Variants in PXDNL observed in about 807,000 individuals in gnomAD.
PXDNL encodes the protein peroxidasin like, also known as probable oxidoreductase PXDNL.
A neutral mutation model predicts 150.8 loss-of-function variants in PXDNL; 145 were observed. That is an observed-to-expected ratio of 0.96 (90% CI 0.84 to 1.10). The LOEUF (loss-of-function observed/expected upper bound fraction) is 1.10. Ranked by LOEUF, PXDNL falls within the 50% of genes least tolerant of loss-of-function variation. The probability of loss-of-function intolerance (pLI) is 0.00; values close to 1 mark genes in which losing one functional copy is unlikely to be tolerated. For missense variants in PXDNL, 2,087 were observed against 1,873.9 expected, an observed-to-expected ratio of 1.11 and a Z score of -2.10; for synonymous variants, 757 against 725.7, an observed-to-expected ratio of 1.04 and a Z score of -0.69.
intron 2 of PXDNL, among the ~76,000 whole-genome samples, chr8:51,634,099 T>G (rs1219074875): frequency 6.6e-6 from 1 of 152,182 alleles, no homozygotes; most frequent in Non-Finnish European, 1.5e-5. Context: ...CTAGGATTTT[T>G]AGAGTTTGTG....
chr8:51,616,169 G>A (rs1255519067), intron 2 of PXDNL, among the ~76,000 whole-genome samples: 1 of 152,212 alleles, frequency 6.6e-6, no homozygotes, highest in Non-Finnish European at 1.5e-5. Context: ...CACACATTCA[G>A]GGACCAACAG....
chr8:51,518,831 A>G (rs1811599713), intron 4 of PXDNL, among the ~76,000 whole-genome samples: 1 of 152,142 alleles, frequency 6.6e-6, no homozygotes, highest in South Asian at 2.1e-4. Flanking sequence ...GCTCGATAGG[A>G]GAAATGATGG....
chr8:51,530,551 C>T (rs774212382), intron 4 of PXDNL, among the ~76,000 whole-genome samples: 90 of 152,184 alleles, frequency 5.9e-4, no homozygotes, highest in Non-Finnish European at 5.0e-4. Context: ...GCCATGACCA[C>T]CCGGACTGCC....
At position 51,651,229 on chromosome 8, in the gene PXDNL, G is replaced by T. The variant is rs571706732; in HGVS notation, c.236+3460C>A. 5.3e-5 allele frequency among the ~76,000 whole-genome samples: 8 copies of T among 152,264 alleles called. No homozygotes were observed. In the South Asian group the frequency reaches 8.3e-4, roughly 16 times the overall value. On this transcript the variant is annotated intron_variant, in intron 2 of 22. Coordinates refer to ENST00000356297, the MANE Select transcript of PXDNL (RefSeq NM_144651.5). Reference sequence around the variant, plus strand: ...TATATAGCTTACCTAGGAATAAAGCGTAGTATATAATTTGGAAGCGATTCG... The same window carrying T: ...TATATAGCTTACCTAGGAATAAAGCTTAGTATATAATTTGGAAGCGATTCG...
At chr8:51,476,457 G>C (rs1810477708) in intron 6 of PXDNL, among the ~76,000 whole-genome samples, 1 of 152,210 alleles carries the variant, frequency 6.6e-6, no homozygotes, top group African/African-American at 2.4e-5. Flanking sequence ...CATGTAGACT[G>C]TAACAGGAAG....
chr8:51,758,560 G>C (rs2037127843), intron 1 of PXDNL, among the ~76,000 whole-genome samples: 1 of 152,184 alleles, frequency 6.6e-6, no homozygotes. Context: ...AGACGTACTG[G>C]AGATAATTGG....
intron 17 of PXDNL, among the ~76,000 whole-genome samples, chr8:51,396,456 T>C (rs1363299228): frequency 6.6e-6 from 1 of 152,212 alleles, no homozygotes; most frequent in African/African-American, 2.4e-5. Context: ...AACATCAATC[T>C]GGGATTTAAA....
At chr8:51,369,762 TATTATTG>T (rs1807038234) in intron 19 of PXDNL, among the ~76,000 whole-genome samples, 1 of 152,238 alleles carries the variant, frequency 6.6e-6, no homozygotes, top group African/African-American at 2.4e-5. Flanking sequence ...AGAGTATTCT[TATTATTG>T]ATTGGGACCA....
chr8:51,357,356 C>T (rs945675937), intron 19 of PXDNL, among the ~76,000 whole-genome samples: 2 of 152,222 alleles, frequency 1.3e-5, no homozygotes, highest in African/African-American at 4.8e-5. Flanking sequence ...TCCACATTCT[C>T]TGGTACTACT....
intron 1 of PXDNL, among the ~76,000 whole-genome samples, chr8:51,801,394 CT>C (rs1331986050): frequency 3.3e-5 from 5 of 152,116 alleles, no homozygotes; most frequent in Non-Finnish European, 5.9e-5. Flanking sequence ...TAATTTTGCC[CT>C]TTGCCTTGTG....
chr8:51,731,730 A>G (rs1199553502), intron 1 of PXDNL, among the ~76,000 whole-genome samples: 1 of 152,076 alleles, frequency 6.6e-6, no homozygotes, highest in Admixed American at 6.5e-5. Context: ...TCAATTCTTA[A>G]CTTCTGTGGA....
intron 14 of PXDNL, among the ~76,000 whole-genome samples, chr8:51,416,366 G>T (rs1338342231): frequency 1.3e-5 from 2 of 152,208 alleles, no homozygotes; most frequent in East Asian, 3.8e-4. Flanking sequence ...ATGTGAATGT[G>T]AATTGGATTG....
chr8:51,592,725 T>C, intron 2 of PXDNL, 27 bp from the exon 3 acceptor site: 1 of 1,494,560 alleles, frequency 6.7e-7, no homozygotes, highest in South Asian at 1.2e-5. Flanking sequence ...AAACAAATAA[T>C]TCCCAAATGA....
chr8:51,453,729 T>C lies in PXDNL; in HGVS notation c.1039A>G (p.Thr347Ala). 6.2e-7 allele frequency: 1 copy of C among 1,614,080 alleles called. No individual in the cohort carries two copies. The highest frequency in any genetic ancestry group is 8.5e-7 in the Non-Finnish European group (1 of 1,179,904). ...QDTEVLIGTS[T>A]TLECMATGHP... ...CCTGTGGCCATACATTCCAAAGTTG[T>C]GCTGGTGCCAATTAAAACCTCTGTG... The change falls in exon 10 of 23, where the codon ACA (threonine) becomes GCA (alanine). Residue 347 changes from threonine (T) to alanine (A), a missense_variant. Thr to Ala is a moderately conservative substitution (Grantham distance 58, BLOSUM62 0). Coordinates refer to ENST00000356297, the MANE Select transcript of PXDNL (RefSeq NM_144651.5).
intron 5 of PXDNL, among the ~76,000 whole-genome samples, chr8:51,486,752 A>T (rs181107664): frequency 0.033 from 572 of 17,586 alleles, 6 homozygotes; most frequent in East Asian, 0.13. Flanking sequence ...TAAAAAGTTT[A>T]TATATATATA....
At chr8:51,732,046 C>T (rs1029852137) in intron 1 of PXDNL, among the ~76,000 whole-genome samples, 1 of 152,200 alleles carries the variant, frequency 6.6e-6, no homozygotes, top group Admixed American at 6.5e-5. Context: ...TGAATTTATC[C>T]TCAGAAAATG....
At chr8:51,696,829 A>G (rs1816151865) in intron 1 of PXDNL, among the ~76,000 whole-genome samples, 1 of 262 alleles carries the variant, frequency 3.8e-3, no homozygotes, top group African/African-American at 0.019. Context: ...ACACACACAC[A>G]CACACACACA....
At chr8:51,566,870 G>T (rs200229471) in intron 3 of PXDNL, among the ~76,000 whole-genome samples, 1 of 150,412 alleles carries the variant, frequency 6.6e-6, no homozygotes, top group South Asian at 2.1e-4. Flanking sequence ...TCCTATGATT[G>T]GAAGTCTAGA....
chr8:51,554,524 G>A (rs546821769), intron 4 of PXDNL, among the ~76,000 whole-genome samples: 1 of 152,208 alleles, frequency 6.6e-6, no homozygotes, highest in African/African-American at 2.4e-5. Flanking sequence ...AATTATAAAG[G>A]TCATCTTTAA....
Sources: allele counts gnomAD v4.1 joint callset (sites outside exome capture counted in the v4.1 genomes callset), GRCh38; gene constraint gnomAD v4.1.1; transcripts MANE v1.5; gene names NCBI Gene and HGNC (gene_info 2026-07-23, HGNC 2026-07-21).